Variants in PCID2 observed in about 807,000 individuals in gnomAD.
The protein encoded by PCID2 is PCI domain-containing protein 2.
In PCID2, 41 loss-of-function variants were observed where a neutral mutation model predicts 61.3. The ratio of observed to expected loss-of-function variants is 0.67; its 90% CI spans 0.52 to 0.87. The LOEUF is 0.87. PCID2 is among the 40% of genes least tolerant of loss of function. The pLI is 0.00. For missense variants in PCID2, 392 were observed against 493.4 expected (o/e 0.79, Z 1.95); for synonymous variants, 187 against 177.8 (o/e 1.05, Z -0.41).
At chr13:113,187,924 A>T (rs1405831583) in intron 7 of PCID2, 1 of 152,206 alleles carries the variant, frequency 6.6e-6, no homozygotes, top group East Asian at 1.9e-4. Context: ...GGTCGTGAAG[A>T]TCACTGCTGT....
At chr13:113,191,703 G>C (rs1399582565) in intron 6 of PCID2, among the ~76,000 whole-genome samples, 2 of 152,280 alleles carry the variant, frequency 1.3e-5, no homozygotes, top group East Asian at 3.9e-4. Flanking sequence ...TGCCACTTGT[G>C]TTCTCCACAA....
chr13:113,208,049 C>T (rs1176352875), intron 1 of PCID2: 2 of 1,612,698 alleles, frequency 1.2e-6, no homozygotes, highest in African/African-American at 1.3e-5. Context: ...ATCTGTCAGA[C>T]GCATGTACCG....
intron 7 of PCID2, chr13:113,187,290 C>G (rs760518282): frequency 6.6e-6 from 1 of 152,326 alleles, no homozygotes; most frequent in African/African-American, 2.4e-5. Flanking sequence ...CAAACCCCAA[C>G]GGGAAAGAGA....
In PCID2 at chr13:113,179,704, C is replaced by T. The variant is rs116752849; in HGVS notation, c.986+213G>A. Among the ~76,000 whole-genome samples, 1,558 of 152,310 alleles carry T rather than the reference C, an allele frequency of 0.01. 24 individuals are homozygous for T. Among genetic ancestry groups the T allele is most frequent in the African/African-American group, 0.034 (1,415 of 41,548 alleles). On this transcript the variant is annotated intron_variant, in intron 12 of 13. Coordinates refer to ENST00000337344, the MANE Select transcript of PCID2 (RefSeq NM_001127202.4). The surrounding 1 kb of genome is among the most constrained non-coding windows in gnomAD (Gnocchi z 4.3). ...TCACATAGAACCTGCTTACCTCCCCCACAAGTCCAGGCACAGCTTGTGCTA... is the reference window on the plus strand; with the variant it reads ...TCACATAGAACCTGCTTACCTCCCCTACAAGTCCAGGCACAGCTTGTGCTA...
chr13:113,185,122 G>A (rs773384134), intron 8 of PCID2, among the ~76,000 whole-genome samples: 4 of 152,234 alleles, frequency 2.6e-5, no homozygotes, highest in Non-Finnish European at 5.9e-5. Flanking sequence ...CTACGTGCCT[G>A]CTTTTCCATA....
chr13:113,206,573 TAC>T (rs1322428900), intron 1 of PCID2, among the ~76,000 whole-genome samples: 1 of 152,216 alleles, frequency 6.6e-6, no homozygotes, highest in Non-Finnish European at 1.5e-5. Context: ...CCCAAAGAGA[TAC>T]AGTGACATTG....
At chr13:113,180,530 G>A (rs1052190963) in intron 10 of PCID2, among the ~76,000 whole-genome samples, 7 of 152,190 alleles carry the variant, frequency 4.6e-5, no homozygotes, top group African/African-American at 1.7e-4. Flanking sequence ...ATAAGCATGA[G>A]ATGTAGGCAT....
the PCID2 span, chr13:113,171,975 C>A: frequency 6.2e-7 from 1 of 1,613,324 alleles, no homozygotes; most frequent in African/African-American, 1.3e-5. This position sits in a 1 kb window ranked among gnomAD's most constrained non-coding sequence, Gnocchi z 5.1. Context: ...AGTGTGGTCA[C>A]CAGAGAACAC....
chr13:113,168,590 ACTTT>A, the PCID2 span, among the ~76,000 whole-genome samples: 1 of 152,064 alleles, frequency 6.6e-6, no homozygotes, highest in African/African-American at 2.4e-5. Flanking sequence ...TTTAATTTTA[ACTTT>A]CTAAGATTTC....
At chr13:113,208,525 C>T in intron 1 of PCID2, 74 bp downstream of exon 1, 2 of 1,570,612 alleles carry the variant, frequency 1.3e-6, no homozygotes, top group South Asian at 2.3e-5. Context: ...GCCTGAGGGT[C>T]CAAGGCAGGA....
chr13:113,180,133 A>T, intron 11 of PCID2, 25 bp downstream of exon 11: 1 of 1,613,590 alleles, frequency 6.2e-7, no homozygotes, highest in Non-Finnish European at 8.5e-7. Flanking sequence ...TTAAAACCCC[A>T]AACAGGAAGG....
chr13:113,200,721 A>G (rs2039364418), intron 1 of PCID2: 3 of 359,494 alleles, frequency 8.3e-6, no homozygotes, highest in South Asian at 7.8e-5. Context: ...TTTTTTTGAG[A>G]CGGAGTCTCG....
chr13:113,172,324 C>A, the PCID2 span: 18 of 604,022 alleles, frequency 3.0e-5, no homozygotes, highest in African/African-American at 2.8e-4. Flanking sequence ...TCAATAGAGA[C>A]CTTAAAAGAA....
intron 4 of PCID2, 140 bp downstream of exon 4, chr13:113,197,037 AC>A (rs1485035946): frequency 1.5e-5 from 25 of 1,614,018 alleles, no homozygotes; most frequent in Non-Finnish European, 2.0e-5. Context: ...AAGAGCTGAA[AC>A]GAGCTTCTGT....
chr13:113,182,263 A>G (rs2037708539), intron 9 of PCID2, among the ~76,000 whole-genome samples: 1 of 152,170 alleles, frequency 6.6e-6, no homozygotes, highest in Non-Finnish European at 1.5e-5. Context: ...ATTGGCACAA[A>G]AAACATCCAG....
At chr13:113,183,687 T>G in intron 9 of PCID2, 1 of 824,098 alleles carries the variant, frequency 1.2e-6, no homozygotes, top group Non-Finnish European at 1.5e-6. Flanking sequence ...GAGTTTAAAG[T>G]CTGGTTTGAG....
At chr13:113,174,011 G>A (rs1346664922), downstream of PCID2, among the ~76,000 whole-genome samples, 1 of 151,586 alleles carries the variant, frequency 6.6e-6, no homozygotes, top group East Asian at 1.9e-4. Context: ...GGCGGATCAC[G>A]AGGTCAGGAG....
the PCID2 span, chr13:113,172,376 G>C: frequency 4.3e-6 from 2 of 468,796 alleles, no homozygotes; most frequent in Non-Finnish European, 3.9e-6. Flanking sequence ...TAATCTGTCA[G>C]TCATAAAGCA....
At chr13:113,170,314 G>A in the PCID2 span, 1 of 734,868 alleles carries the variant, frequency 1.4e-6, no homozygotes, top group South Asian at 1.5e-5. Flanking sequence ...GGTGGGGGTG[G>A]GGGTGGGGGG....
Sources: allele counts gnomAD v4.1 joint callset (sites outside exome capture counted in the v4.1 genomes callset), GRCh38; gene constraint gnomAD v4.1.1; non-coding constraint Gnocchi (gnomAD v3.1); transcripts MANE v1.5; gene names NCBI Gene and HGNC (gene_info 2026-07-23, HGNC 2026-07-21).